CDH10: variants seen among roughly 807,000 people sequenced by gnomAD.
CDH10 encodes the protein cadherin 10.
CDH10 carries 30 observed loss-of-function variants against 73.1 expected under a neutral mutation model. The ratio of observed to expected loss-of-function variants is 0.41; its 90% CI spans 0.31 to 0.56. CDH10 has a LOEUF of 0.56. Among genes scored for constraint, CDH10 ranks in the 20% least tolerant of loss-of-function variants. The pLI is 0.27. For synonymous variants in CDH10, 345 were observed against 348.2 expected (o/e 0.99, Z 0.10); for missense variants, 815 against 973.7 (o/e 0.84, Z 2.17).
chr5:24,508,589 G>T (rs1742781754), intron 7 of CDH10, among the ~76,000 whole-genome samples: 1 of 148,858 alleles, frequency 6.7e-6, no homozygotes, highest in South Asian at 2.1e-4. Context: ...TGTGAATGAA[G>T]GTCATGGCAA....
chr5:24,499,729 G>A (rs1442639172), intron 8 of CDH10, among the ~76,000 whole-genome samples: 1 of 72,928 alleles, frequency 1.4e-5, no homozygotes, highest in South Asian at 4.6e-4. Context: ...GTTTTGATAT[G>A]TAAATTAATA....
At chr5:24,627,059 G>A (rs1373727664) in intron 1 of CDH10, among the ~76,000 whole-genome samples, 1 of 151,752 alleles carries the variant, frequency 6.6e-6, no homozygotes, top group Non-Finnish European at 1.5e-5. Context: ...CCATTTTCCT[G>A]TATATAATTA....
chr5:24,581,870 A>G (rs901127786), intron 2 of CDH10, among the ~76,000 whole-genome samples: 1 of 152,208 alleles, frequency 6.6e-6, no homozygotes, highest in Non-Finnish European at 1.5e-5. Context: ...AAACGTTTTG[A>G]TCTAAAAAAA....
chr5:24,504,217 T>C (rs1397139779), intron 8 of CDH10, among the ~76,000 whole-genome samples: 4 of 152,020 alleles, frequency 2.6e-5, no homozygotes, highest in Non-Finnish European at 4.4e-5. Flanking sequence ...AAGCAGGACA[T>C]AAAACCCCCA....
At chr5:24,606,835 G>A (rs766901949) in intron 1 of CDH10, among the ~76,000 whole-genome samples, 1 of 151,956 alleles carries the variant, frequency 6.6e-6, no homozygotes. Flanking sequence ...CCAGAAAAAA[G>A]CATTCATTTA....
chr5:24,625,990 G>C (rs1381792985), intron 1 of CDH10, among the ~76,000 whole-genome samples: 1 of 151,868 alleles, frequency 6.6e-6, no homozygotes, highest in African/African-American at 2.4e-5. Flanking sequence ...ACATTAATAT[G>C]AATTAATTGT....
At chr5:24,570,123 T>A (rs1200643574) in intron 2 of CDH10, among the ~76,000 whole-genome samples, 1 of 152,130 alleles carries the variant, frequency 6.6e-6, no homozygotes, top group South Asian at 2.1e-4. Flanking sequence ...CAATTTTCTG[T>A]TAAATTGGGA....
At chr5:24,514,740 T>C (rs1743047151) in intron 5 of CDH10, among the ~76,000 whole-genome samples, 1 of 152,174 alleles carries the variant, frequency 6.6e-6, no homozygotes, top group African/African-American at 2.4e-5. Flanking sequence ...TCATTATTAC[T>C]AGTATCTATT....
intron 1 of CDH10, among the ~76,000 whole-genome samples, chr5:24,599,642 C>T (rs1746492965): frequency 6.6e-6 from 1 of 152,040 alleles, no homozygotes; most frequent in Non-Finnish European, 1.5e-5. Flanking sequence ...CAAAAACATA[C>T]ATGACACTCA....
chr5:24,531,294 C>T (rs538331474), intron 5 of CDH10, among the ~76,000 whole-genome samples: 3 of 152,044 alleles, frequency 2.0e-5, no homozygotes, highest in Non-Finnish European at 2.9e-5. Flanking sequence ...TTGCCAGTCA[C>T]TGATGCTTTT....
intron 11 of CDH10, among the ~76,000 whole-genome samples, chr5:24,491,252 G>A (rs1742043007): frequency 6.6e-6 from 1 of 152,094 alleles, no homozygotes; most frequent in Non-Finnish European, 1.5e-5. Flanking sequence ...ATGCCATTCT[G>A]CATTCATTGT....
At chr5:24,558,650 A>G (rs1207333569) in intron 2 of CDH10, among the ~76,000 whole-genome samples, 1 of 151,728 alleles carries the variant, frequency 6.6e-6, no homozygotes, top group African/African-American at 2.4e-5. Context: ...CAAGGAAAAA[A>G]GTCAGTCAAG....
At chr5:24,643,663 T>C (rs922090958) in intron 1 of CDH10, among the ~76,000 whole-genome samples, 1 of 152,196 alleles carries the variant, frequency 6.6e-6, no homozygotes, top group Non-Finnish European at 1.5e-5. Context: ...ACATCTGTTT[T>C]TTCAAAGCAA....
chr5:24,589,432 G>C (rs1193852428), intron 2 of CDH10, among the ~76,000 whole-genome samples: 1 of 151,792 alleles, frequency 6.6e-6, no homozygotes, highest in Non-Finnish European at 1.5e-5. Flanking sequence ...GAAAAGGCAA[G>C]AGAGATTTTA....
Position 24,511,372 on chromosome 5 carries a change from G to A in CDH10, c.957C>T (p.Ile319=), listed in dbSNP as rs1462376539. The change falls in exon 6 of 12, where the codon ATC becomes ATT. Residue 319 remains isoleucine (I), a synonymous_variant. Coordinates refer to ENST00000264463, the MANE Select transcript of CDH10 (RefSeq NM_006727.5). The stretch of plus-strand genomic sequence containing the variant: ...CTTCCTGTGTGTCCTTCTCAGTCAC[G>A]ATGTCAAACATATCAGTACCGTCAC... ...IDGDGTDMFD[I]VTEKDTQEGI... 8 of 1,612,370 alleles carry A rather than the reference G, an allele frequency of 5.0e-6. No homozygotes were observed. The highest frequency in any genetic ancestry group is 6.8e-6 in the Non-Finnish European group (8 of 1,178,524).
intron 2 of CDH10, among the ~76,000 whole-genome samples, chr5:24,565,398 T>C (rs899470956): frequency 3.3e-5 from 5 of 152,194 alleles, no homozygotes; most frequent in African/African-American, 1.2e-4. Flanking sequence ...CCATGCCTTT[T>C]ACAATAGCAC....
chr5:24,528,971 T>A (rs1358272033), intron 5 of CDH10, among the ~76,000 whole-genome samples: 1 of 151,984 alleles, frequency 6.6e-6, no homozygotes, highest in Non-Finnish European at 1.5e-5. Flanking sequence ...GGTGCAAAAG[T>A]AATCGCAGTT....
At chr5:24,639,123 A>C (rs908851460) in intron 1 of CDH10, among the ~76,000 whole-genome samples, 1 of 151,704 alleles carries the variant, frequency 6.6e-6, no homozygotes, top group African/African-American at 2.4e-5. Flanking sequence ...TCTATCAAAA[A>C]ATAAGCCTAC....
chr5:24,631,131 C>G (rs991219469), intron 1 of CDH10, among the ~76,000 whole-genome samples: 1 of 152,118 alleles, frequency 6.6e-6, no homozygotes, highest in Admixed American at 6.6e-5. Flanking sequence ...AGGGTAAATA[C>G]TGAGCTAGTG....
Sources: allele counts gnomAD v4.1 joint callset (sites outside exome capture counted in the v4.1 genomes callset), GRCh38; gene constraint gnomAD v4.1.1; transcripts MANE v1.5; gene names NCBI Gene and HGNC (gene_info 2026-07-23, HGNC 2026-07-21).